The following CAMK4 variants were observed in gnomAD, a reference collection of about 807,000 sequenced individuals.
The protein encoded by CAMK4 is calcium/calmodulin-dependent protein kinase type IV.
Under a neutral mutation model 44.9 loss-of-function variants are expected in CAMK4, and 22 were observed. The observed-to-expected ratio is 0.49, with a 90% CI of 0.35 to 0.70. The LOEUF (loss-of-function observed/expected upper bound fraction) is 0.70. Among genes scored for constraint, CAMK4 ranks in the 30% least tolerant of loss-of-function variants. The pLI is 0.01. For synonymous variants in CAMK4, 218 were observed against 215.4 expected, an observed-to-expected ratio of 1.01 and a Z score of -0.11; for missense variants, 498 against 586.8, an observed-to-expected ratio of 0.85 and a Z score of 1.56.
At chr5:111,356,709 G>T (rs1370265253) in intron 2 of CAMK4, among the ~76,000 whole-genome samples, 3 of 152,110 alleles carry the variant, frequency 2.0e-5, no homozygotes, top group Non-Finnish European at 4.4e-5. Context: ...TCCAGTTTCA[G>T]CTTTCTACAT....
chr5:111,419,165 G>T (rs1214140986), intron 5 of CAMK4, among the ~76,000 whole-genome samples: 6 of 152,132 alleles, frequency 3.9e-5, no homozygotes, highest in African/African-American at 1.4e-4. Flanking sequence ...TCTCATTGTG[G>T]TTTTGATTTG....
intron 4 of CAMK4, 90 bp from the exon 5 acceptor site, chr5:111,394,620 C>A (rs770123076): frequency 1.6e-5 from 13 of 795,714 alleles, no homozygotes; most frequent in Non-Finnish European, 2.5e-5. Context: ...TTATGTGCAC[C>A]ATCTTTAACA....
rs150074282 is a variant in CAMK4, at chr5:111,249,296, T to C, written c.161+24652T>C. Among the ~76,000 whole-genome samples, 324 of 152,168 alleles carry C rather than the reference T, an allele frequency of 2.1e-3. 1 individual carries two copies. The highest frequency in any genetic ancestry group is 4.1e-3 in the Admixed American group (62 of 15,274). Reference sequence around the variant, plus strand: ...TCCTTCCTTCCAAGAACATAGATGATCTGGAAATTATCTGTTCTACTTGAG... The same window carrying C: ...TCCTTCCTTCCAAGAACATAGATGACCTGGAAATTATCTGTTCTACTTGAG... On this transcript the variant is annotated intron_variant, in intron 1 of 10. Transcript: ENST00000282356.
intron 7 of CAMK4, among the ~76,000 whole-genome samples, chr5:111,450,976 T>C (rs1026211483): frequency 6.6e-6 from 1 of 152,146 alleles, no homozygotes; most frequent in African/African-American, 2.4e-5. Flanking sequence ...AAAGAAGTAC[T>C]ACAAAACTAA....
At chr5:111,325,667 T>A (rs1748853705) in intron 1 of CAMK4, among the ~76,000 whole-genome samples, 1 of 152,144 alleles carries the variant, frequency 6.6e-6, no homozygotes, top group Non-Finnish European at 1.5e-5. Context: ...CTTGGCCACA[T>A]AAATGTCTTC....
chr5:111,464,130 A>G (rs1188538776), intron 7 of CAMK4, among the ~76,000 whole-genome samples: 1 of 152,008 alleles, frequency 6.6e-6, no homozygotes, highest in Non-Finnish European at 1.5e-5. Context: ...GGGAAATAGC[A>G]TAAATAAAAA....
intron 4 of CAMK4, 39 bp from the exon 5 acceptor site, chr5:111,394,671 G>A (rs762246767): frequency 7.4e-7 from 1 of 1,356,464 alleles, no homozygotes; most frequent in East Asian, 2.3e-5. Context: ...TCTTCTGAAT[G>A]AATGTGCCTG....
At chr5:111,291,294 A>G (rs764553457) in intron 1 of CAMK4, among the ~76,000 whole-genome samples, 2 of 152,220 alleles carry the variant, frequency 1.3e-5, no homozygotes, top group Non-Finnish European at 1.5e-5. Context: ...TAAAAAATAC[A>G]ATAAATATTA....
At chr5:111,246,928 C>A (rs1749267355) in intron 1 of CAMK4, among the ~76,000 whole-genome samples, 7 of 152,120 alleles carry the variant, frequency 4.6e-5, no homozygotes, top group Admixed American at 4.6e-4. Context: ...AAGTGGGGTT[C>A]CAGCATACAG....
chr5:111,400,235 AT>A (rs1309997299), intron 5 of CAMK4, among the ~76,000 whole-genome samples: 2 of 152,240 alleles, frequency 1.3e-5, no homozygotes, highest in African/African-American at 4.8e-5. Flanking sequence ...GATTATTGCA[AT>A]TAAGGGTTAA....
chr5:111,390,036 A>T (rs1751743349), intron 4 of CAMK4, among the ~76,000 whole-genome samples: 1 of 152,202 alleles, frequency 6.6e-6, no homozygotes, highest in South Asian at 2.1e-4. Flanking sequence ...TGTCAATTAA[A>T]TTTTTATAAG....
rs557487127 is a variant in CAMK4, at chr5:111,232,921, C to T, written c.161+8277C>T. 2.8e-3 allele frequency among the ~76,000 whole-genome samples: 432 copies of T among 152,326 alleles called. 3 individuals carry two copies. Among genetic ancestry groups the T allele is most frequent in the African/African-American group, 0.01 (419 of 41,576 alleles). On this transcript the variant is annotated intron_variant, in intron 1 of 10. Coordinates refer to ENST00000282356, the MANE Select transcript of CAMK4 (RefSeq NM_001744.6). ...CTTGAAGGCCATTCAGTCTCTGATG[C>T]AGCTCTACCCTCTGCCATGGTTGAG...
At chr5:111,274,272 C>T (rs1750664439) in intron 1 of CAMK4, among the ~76,000 whole-genome samples, 1 of 152,100 alleles carries the variant, frequency 6.6e-6, no homozygotes, top group Non-Finnish European at 1.5e-5. Context: ...CTCTGTTTCC[C>T]CTTAACTTGT....
intron 1 of CAMK4, among the ~76,000 whole-genome samples, chr5:111,267,174 A>G (rs1052570182): frequency 1.3e-5 from 2 of 151,904 alleles, no homozygotes; most frequent in African/African-American, 2.4e-5. Context: ...TTGTCTGTAC[A>G]TTTTCTGCCC....
chr5:111,400,038 G>A (rs977928442), intron 5 of CAMK4, among the ~76,000 whole-genome samples: 7 of 152,198 alleles, frequency 4.6e-5, no homozygotes, highest in Admixed American at 6.5e-5. Context: ...TAACACAGAA[G>A]GATAAGAGTT....
chr5:111,450,312 C>T (rs1173750536), intron 7 of CAMK4, among the ~76,000 whole-genome samples: 1 of 152,024 alleles, frequency 6.6e-6, no homozygotes, highest in Non-Finnish European at 1.5e-5. Context: ...ACAGCCTGGG[C>T]GACAGAGACT....
intron 2 of CAMK4, among the ~76,000 whole-genome samples, chr5:111,347,421 G>A (rs746087954): frequency 1.1e-4 from 16 of 152,118 alleles, no homozygotes; most frequent in Non-Finnish European, 1.9e-4. Context: ...AATGACAATC[G>A]TTTAAGCTAT....
At chr5:111,463,704 C>G (rs1488431816) in intron 7 of CAMK4, among the ~76,000 whole-genome samples, 1 of 152,204 alleles carries the variant, frequency 6.6e-6, no homozygotes, top group Non-Finnish European at 1.5e-5. Flanking sequence ...GCCCAGACCC[C>G]AGCAGCTCCA....
At chr5:111,313,481 G>T (rs1748296283) in intron 1 of CAMK4, among the ~76,000 whole-genome samples, 2 of 152,198 alleles carry the variant, frequency 1.3e-5, no homozygotes, top group South Asian at 4.2e-4. Context: ...GGGTCTAGGT[G>T]GCAATGAGTA....
Sources: allele counts gnomAD v4.1 joint callset (sites outside exome capture counted in the v4.1 genomes callset), GRCh38; gene constraint gnomAD v4.1.1; transcripts MANE v1.5; gene names NCBI Gene and HGNC (gene_info 2026-07-23, HGNC 2026-07-21).